UPF2: variants seen among roughly 807,000 people sequenced by gnomAD.
UPF2 encodes UPF2 regulator of nonsense mediated mRNA decay.
Under a neutral mutation model 141.4 loss-of-function variants are expected in UPF2, and 17 were observed. The ratio of observed to expected loss-of-function variants is 0.12; its 90% confidence interval spans 0.08 to 0.18. The LOEUF (loss-of-function observed/expected upper bound fraction) is 0.18, where lower values mean the gene tolerates loss of function less well. Among genes scored for constraint, UPF2 ranks in the 10% least tolerant of loss-of-function variants. The pLI, the probability that UPF2 is intolerant of heterozygous loss-of-function variation, is 1.00. For missense variants in UPF2, 1,152 were observed against 1,515.9 expected (o/e 0.76, Z 3.99); for synonymous variants, 540 against 498.0 (o/e 1.08, Z -1.12).
intron 8 of UPF2, among the ~76,000 whole-genome samples, chr10:11,991,921 G>A (rs746898390): frequency 2.0e-5 from 3 of 150,666 alleles, no homozygotes; most frequent in South Asian, 4.2e-4. Flanking sequence ...TGAGGTGAGC[G>A]GATCACCTGA....
chr10:11,991,557 G>A (rs1833780518), intron 8 of UPF2, among the ~76,000 whole-genome samples: 1 of 151,918 alleles, frequency 6.6e-6, no homozygotes, highest in African/African-American at 2.4e-5. Context: ...GAAAGTTATT[G>A]GATTTACTTG....
intron 9 of UPF2, among the ~76,000 whole-genome samples, chr10:11,978,437 A>G (rs1833541160): frequency 6.6e-6 from 1 of 152,190 alleles, no homozygotes; most frequent in Admixed American, 6.5e-5. Flanking sequence ...CCGTGAAATA[A>G]CTGGGTAACA....
intron 7 of UPF2, among the ~76,000 whole-genome samples, chr10:11,999,543 GA>G (rs1339781079): frequency 2.4e-5 from 3 of 125,062 alleles, no homozygotes; most frequent in South Asian, 5.1e-4. Flanking sequence ...ACACACACAA[GA>G]AAAAAAAACT....
At chr10:11,957,931 G>A (rs753523878) in intron 12 of UPF2, among the ~76,000 whole-genome samples, 3 of 152,298 alleles carry the variant, frequency 2.0e-5, no homozygotes, top group South Asian at 2.1e-4. Flanking sequence ...GAGGCTGTAC[G>A]ACAACCTCAA....
intron 3 of UPF2, among the ~76,000 whole-genome samples, chr10:12,028,365 C>T (rs983530514): frequency 2.0e-5 from 3 of 152,008 alleles, no homozygotes; most frequent in Admixed American, 2.0e-4. Flanking sequence ...AAATACAAAA[C>T]AATGAAAGCA....
chr10:11,959,437 A>G lies in UPF2; in HGVS notation c.2185-81T>C, dbSNP rs1833206329. The G allele has an allele frequency of 5.0e-6, 7 of 1,412,544 alleles. No individual in the cohort carries two copies. In the East Asian group the frequency reaches 1.7e-4, roughly 34 times the overall value. The allele number at this position is 1,412,544 out of a possible 1,614,324, so 87.5% of individuals were successfully genotyped here. ...CCTAACTAAACTTCTATTCTCAGTG[A>G]TTTGCTATTTCAAAGTAATGGGTTA... On this transcript the variant is annotated intron_variant, in intron 11 of 21. Transcript: ENST00000357604. This position sits in a 1 kb window ranked among gnomAD's most constrained non-coding sequence, Gnocchi z 5.9.
Position 11,949,990 on chromosome 10 carries a change from A to G in UPF2, c.3035-1482T>C, listed in dbSNP as rs183269908. On this transcript the variant is annotated intron_variant, in intron 15 of 21. Transcript: ENST00000357604. ...ACAAAAAATAAAGCTTTAAGAGAAT[A>G]TGTGTAATGTCAAGAAAAAATTTCA... 1.4e-4 allele frequency among the ~76,000 whole-genome samples: 21 copies of G among 152,276 alleles called. 1 individual carries two copies. Among genetic ancestry groups the G allele is most frequent in the Admixed American group, 9.8e-4 (15 of 15,288 alleles).
At chr10:11,986,070 G>A (rs1833686707) in intron 8 of UPF2, among the ~76,000 whole-genome samples, 2 of 151,508 alleles carry the variant, frequency 1.3e-5, no homozygotes, top group African/African-American at 4.8e-5. Context: ...ATTTATAGTA[G>A]AGACGGGGTT....
intron 14 of UPF2, among the ~76,000 whole-genome samples, chr10:11,954,805 A>G (rs984575709): frequency 6.7e-5 from 10 of 149,298 alleles, no homozygotes; most frequent in Non-Finnish European, 1.5e-4. Flanking sequence ...GCAAGACCCC[A>G]TTTCTATTTA....
At position 11,936,487 on chromosome 10, in the gene UPF2, T is replaced by A. The variant is rs1001695619; in HGVS notation, c.3546+58A>T. 3 of 1,508,670 alleles carry A rather than the reference T, an allele frequency of 2.0e-6. No individual in the cohort carries two copies. The highest frequency in any genetic ancestry group is 4.3e-5 in the Admixed American group (2 of 46,436). The allele number at this position is 1,508,670 out of a possible 1,614,324, so 93.5% of individuals were successfully genotyped here. ...ATCCCCTTGTAGGTCAAAGATAAGTTAAAACCTAACTGTATAACTCACAAT... is the reference window on the plus strand; with the variant it reads ...ATCCCCTTGTAGGTCAAAGATAAGTAAAAACCTAACTGTATAACTCACAAT... On this transcript the variant is annotated intron_variant, in intron 19 of 21. Transcript: ENST00000357604. The surrounding 1 kb of genome is among the most constrained non-coding windows in gnomAD (Gnocchi z 6.6).
rs927280430 is a variant in UPF2, at chr10:11,961,524, C to T, written c.2185-2168G>A. On this transcript the variant is annotated intron_variant, in intron 11 of 21. Transcript: ENST00000357604. ...AGAAGAGGGAAGAGGAGGGAGGGGC[C>T]GGGTAATAGAGAGCACTGCACACCA... 4.0e-5 allele frequency among the ~76,000 whole-genome samples: 6 copies of T among 151,620 alleles called. No individual in the cohort carries two copies. In the East Asian group the frequency reaches 7.7e-4, roughly 20 times the overall value.
rs1020558933 is a variant in UPF2 at position 11,934,584 on chromosome 10, T to TTTTA, written c.3546+1957_3546+1960dup. Among the ~76,000 whole-genome samples the TTTTA allele has an allele frequency of 3.3e-5, 5 of 152,326 alleles. No homozygotes were observed. The East Asian group carries it at 7.7e-4, about 23-fold the overall frequency. ...TTGCCAGCTCCACACTCCATGATTA[T>TTTTA]TTTATTTATTTATTTCTTTTTTTGA... On this transcript the variant is annotated intron_variant, in intron 19 of 21. Coordinates refer to ENST00000357604, the MANE Select transcript of UPF2 (RefSeq NM_015542.4).
chr10:11,978,428 C>T (rs1588548927), intron 9 of UPF2, among the ~76,000 whole-genome samples: 1 of 152,220 alleles, frequency 6.6e-6, no homozygotes, highest in African/African-American at 2.4e-5. Flanking sequence ...GAAGCACCTC[C>T]GTGAAATAAC....
intron 16 of UPF2, among the ~76,000 whole-genome samples, chr10:11,945,172 GTTATCT>G (rs909238446): frequency 5.3e-5 from 8 of 152,180 alleles, no homozygotes; most frequent in Admixed American, 4.6e-4. Context: ...AATTTAAACA[GTTATCT>G]TTAACTTATA....
chr10:11,990,734 A>G (rs1833765567), intron 8 of UPF2, among the ~76,000 whole-genome samples: 1 of 151,162 alleles, frequency 6.6e-6, no homozygotes, highest in Non-Finnish European at 1.5e-5. Context: ...CACGCCTGTA[A>G]TCTCAGCACT....
Position 12,014,267 on chromosome 10 carries a change from T to C in UPF2, c.1146-83A>G, listed in dbSNP as rs958529056. ...TTATATATGGGAAACATTCCATAATTTGATTTTCTCATACAAATTTAGTAA... is the reference window on the plus strand; with the variant it reads ...TTATATATGGGAAACATTCCATAATCTGATTTTCTCATACAAATTTAGTAA... On this transcript the variant is annotated intron_variant, in intron 3 of 21. Transcript: ENST00000357604. The surrounding 1 kb of genome is among the most constrained non-coding windows in gnomAD (Gnocchi z 5.0). 6 of 1,250,352 alleles carry C rather than the reference T, an allele frequency of 4.8e-6. No individual in the cohort carries two copies. Among genetic ancestry groups the C allele is most frequent in the Non-Finnish European group, 6.2e-6 (6 of 975,554 alleles). 77.5% of individuals were successfully genotyped at this position (1,250,352 alleles called of 1,614,324 possible).
rs186145255 is a variant in UPF2, at chr10:11,940,900, T to C, written c.3378+1765A>G. On this transcript the variant is annotated intron_variant, in intron 18 of 21. Transcript: ENST00000357604. The surrounding 1 kb of genome is among the most constrained non-coding windows in gnomAD (Gnocchi z 4.2). ...CAGGTTCTTTTCTCCCTCAAGACATTTGACACATTGTTCCCATCTTCCCTT... is the reference window on the plus strand; with the variant it reads ...CAGGTTCTTTTCTCCCTCAAGACATCTGACACATTGTTCCCATCTTCCCTT... 2.6e-5 allele frequency among the ~76,000 whole-genome samples: 4 copies of C among 152,274 alleles called. No individual in the cohort carries two copies. The highest frequency in any genetic ancestry group is 2.1e-4 in the South Asian group (1 of 4,820).
At chr10:12,009,274 G>A (rs972458246) in intron 4 of UPF2, among the ~76,000 whole-genome samples, 4 of 152,136 alleles carry the variant, frequency 2.6e-5, no homozygotes, top group Non-Finnish European at 4.4e-5. Context: ...GACAATAATA[G>A]CTAAAAGCCA....
Position 11,921,935 on chromosome 10 carries a change from G to A in UPF2, c.3810-628C>T, listed in dbSNP as rs1315863851. ...AGAATGTGACCGTATTTGGAAACAA[G>A]GTTGCTGTAGACGTAATTACTTCAG... On this transcript the variant is annotated intron_variant, in intron 21 of 21. Coordinates refer to ENST00000357604, the MANE Select transcript of UPF2 (RefSeq NM_015542.4). The surrounding 1 kb of genome is among the most constrained non-coding windows in gnomAD (Gnocchi z 5.9). Among the ~76,000 whole-genome samples, 1 of 152,192 alleles carries A rather than the reference G, an allele frequency of 6.6e-6. No individual in the cohort carries two copies. Among genetic ancestry groups the A allele is most frequent in the Non-Finnish European group, 1.5e-5 (1 of 68,044 alleles).
Sources: allele counts gnomAD v4.1 joint callset (sites outside exome capture counted in the v4.1 genomes callset), GRCh38; gene constraint gnomAD v4.1.1; non-coding constraint Gnocchi (gnomAD v3.1); transcripts MANE v1.5; gene names NCBI Gene and HGNC (gene_info 2026-07-23, HGNC 2026-07-21).